Variants in SCUBE3 observed in about 807,000 individuals in gnomAD.
SCUBE3 encodes the protein signal peptide, CUB domain and EGF like domain containing 3.
In SCUBE3, 33 loss-of-function variants were observed where a neutral mutation model predicts 116.8. That is an observed-to-expected ratio of 0.28 (90% confidence interval 0.21 to 0.38). SCUBE3 has a LOEUF of 0.38. Among genes scored for constraint, SCUBE3 ranks in the 10% least tolerant of loss-of-function variants. SCUBE3 has a pLI of 1.00. For missense variants in SCUBE3, 1,007 were observed against 1,324.8 expected (o/e 0.76, Z 3.72); for synonymous variants, 418 against 496.9 (o/e 0.84, Z 2.11).
chr6:35,218,750 A>T (rs1012569741), intron 1 of SCUBE3, among the ~76,000 whole-genome samples: 4 of 152,046 alleles, frequency 2.6e-5, no homozygotes, highest in Non-Finnish European at 4.4e-5. Context: ...CTAAGAGGGG[A>T]CAGAGACTCC....
rs1230814908 is a variant in SCUBE3 at position 35,244,190 on chromosome 6, C to T, written c.2239+60C>T. The T allele has an allele frequency of 6.8e-7, 1 of 1,464,298 alleles. No individual in the cohort carries two copies. The highest frequency in any genetic ancestry group is 9.3e-7 in the Non-Finnish European group (1 of 1,070,182). 90.7% of individuals were successfully genotyped at this position (1,464,298 alleles called of 1,614,324 possible). The stretch of plus-strand genomic sequence containing the variant: ...CAACCCCAACTACTCCCAAAAAACT[C>T]TCCAATTTCCCAGAGGGGACACTGA... On this transcript the variant is annotated intron_variant, in intron 17 of 21. Transcript: ENST00000274938. This position sits in a 1 kb window ranked among gnomAD's most constrained non-coding sequence, Gnocchi z 4.3.
rs1223440482 is a variant in SCUBE3 at position 35,240,994 on chromosome 6, T to C, written c.1070-147T>C. The C allele has an allele frequency of 6.9e-6, 5 of 729,022 alleles. No individual in the cohort carries two copies. Among genetic ancestry groups the C allele is most frequent in the African/African-American group, 3.5e-5 (2 of 57,304 alleles). 45.2% of individuals were successfully genotyped at this position (729,022 alleles called of 1,614,324 possible). The stretch of plus-strand genomic sequence containing the variant: ...AGTATTTATGTGCCTATAGGCACAC[T>C]GTTGTACAGTAGATCTCTCGAACTT... On this transcript the variant is annotated intron_variant, in intron 9 of 21. Transcript: ENST00000274938. The surrounding 1 kb of genome is among the most constrained non-coding windows in gnomAD (Gnocchi z 4.6).
rs1783615720 is a variant in SCUBE3, at chr6:35,233,030, G to A, written c.595+55G>A. ...GTGGGGTCGGGGGTGAAAACATAGAGGAAGGGTATAGGGCTTCAGGAGCAA... is the reference window on the plus strand; with the variant it reads ...GTGGGGTCGGGGGTGAAAACATAGAAGAAGGGTATAGGGCTTCAGGAGCAA... On this transcript the variant is annotated intron_variant, in intron 5 of 21. Transcript: ENST00000274938. The surrounding 1 kb of genome is among the most constrained non-coding windows in gnomAD (Gnocchi z 5.7). 6.2e-7 allele frequency: 1 copy of A among 1,603,586 alleles called. No homozygotes were observed. Among genetic ancestry groups the A allele is most frequent in the African/African-American group, 1.3e-5 (1 of 74,862 alleles).
intron 1 of SCUBE3, among the ~76,000 whole-genome samples, chr6:35,216,832 T>C (rs1473950971): frequency 6.6e-6 from 1 of 151,866 alleles, no homozygotes; most frequent in Non-Finnish European, 1.5e-5. Flanking sequence ...TTTTCATCAG[T>C]GATTCCCACA....
chr6:35,243,044 C>T lies in SCUBE3; in HGVS notation c.1717C>T (p.Arg573Ter), dbSNP rs1436996181. 7 of 1,614,154 alleles carry T rather than the reference C, an allele frequency of 4.3e-6. No individual in the cohort carries two copies. The highest frequency in any genetic ancestry group is 2.2e-5 in the East Asian group (1 of 44,882). The change falls in exon 15 of 22, where the codon CGA (arginine) becomes TGA (stop). Residue 573 changes from arginine (R) to a stop codon, truncating the protein, a stop_gained. Coordinates refer to ENST00000274938, the MANE Select transcript of SCUBE3 (RefSeq NM_152753.4). LOFTEE classifies it high-confidence loss of function. This position sits in a 1 kb window ranked among gnomAD's most constrained non-coding sequence, Gnocchi z 6.6. ...TTASCGLPCLRQRMERRLKGS... is the reference protein window; with the variant it reads ...TTASCGLPCL The stretch of plus-strand genomic sequence containing the variant: ...AGCCAGCTGTGGGCTGCCCTGCCTC[C>T]GACAGCGAATGGAACGGCGGCTGAA...
intron 21 of SCUBE3, 36 bp from the exon 22 acceptor site, chr6:35,248,520 G>A (rs745771869): frequency 8.7e-6 from 14 of 1,611,166 alleles, no homozygotes; most frequent in South Asian, 1.1e-5. Flanking sequence ...CACCCCCGAC[G>A]GTGAGGCTGA....
Position 35,219,125 on chromosome 6 carries a change from C to T in SCUBE3, c.85+4622C>T, listed in dbSNP as rs1783033666. On this transcript the variant is annotated intron_variant, in intron 1 of 21. Coordinates refer to ENST00000274938, the MANE Select transcript of SCUBE3 (RefSeq NM_152753.4). This position sits in a 1 kb window ranked among gnomAD's most constrained non-coding sequence, Gnocchi z 4.7. ...GTCATCTGGATACTCTTCCTTTCTT[C>T]CCCCACCCCAGTTTCCTGGAACCCC... is the stretch of plus-strand genomic sequence containing the variant. Among the ~76,000 whole-genome samples the T allele has an allele frequency of 6.6e-6, 1 of 152,146 alleles. No individual in the cohort carries two copies. The highest frequency in any genetic ancestry group is 2.4e-5 in the African/African-American group (1 of 41,422).
At chr6:35,246,144 G>A in intron 20 of SCUBE3, 48 bp downstream of exon 20, 1 of 1,613,038 alleles carries the variant, frequency 6.2e-7, no homozygotes, top group Non-Finnish European at 8.5e-7. Flanking sequence ...AGTTTTGAGA[G>A]GGAACCAGGA....
rs930612920 is a variant in SCUBE3 at position 35,241,493 on chromosome 6, C to A, written c.1196-50C>A. 1 of 1,357,270 alleles carries A rather than the reference C, an allele frequency of 7.4e-7. No homozygotes were observed. The highest frequency in any genetic ancestry group is 1.1e-6 in the Non-Finnish European group (1 of 946,152). 84.1% of individuals were successfully genotyped at this position (1,357,270 alleles called of 1,614,324 possible). ...TAGCTGATTCCTCCAAATTACCCAA[C>A]TGAGGGAAAGGAATGCATTCATTTG... On this transcript the variant is annotated intron_variant, in intron 10 of 21. Coordinates refer to ENST00000274938, the MANE Select transcript of SCUBE3 (RefSeq NM_152753.4). The surrounding 1 kb of genome is among the most constrained non-coding windows in gnomAD (Gnocchi z 4.1).
chr6:35,228,673 C>G lies in SCUBE3; in HGVS notation c.268C>G (p.Pro90Ala). Residue 90 changes from proline to alanine, a missense_variant, in exon 3 of 22, where the codon CCT (proline) becomes GCT (alanine). Pro to Ala is a conservative substitution (Grantham distance 27, BLOSUM62 -1). This residue lies in a region of SCUBE3 where 37 missense variants were observed against 80.6 expected (regional missense o/e 0.46). Coordinates refer to ENST00000274938, the MANE Select transcript of SCUBE3 (RefSeq NM_152753.4). The surrounding 1 kb of genome is among the most constrained non-coding windows in gnomAD (Gnocchi z 4.9). ...AGCVHDCVNI[P>A]GNYRCTCYDG... Reference sequence around the variant, plus strand: ...TTGTGTGCATGACTGTGTCAACATCCCTGGCAATTACCGGTGTACCTGCTA... The same window carrying G: ...TTGTGTGCATGACTGTGTCAACATCGCTGGCAATTACCGGTGTACCTGCTA... 2.5e-6 allele frequency: 4 copies of G among 1,613,808 alleles called. No homozygotes were observed. The highest frequency in any genetic ancestry group is 3.4e-6 in the Non-Finnish European group (4 of 1,179,746).
rs897161149 is a variant in SCUBE3, at chr6:35,214,052, C to A, written c.-367C>A. On this transcript the variant is annotated 5_prime_UTR_variant, in exon 1 of 22. Coordinates refer to ENST00000274938, the MANE Select transcript of SCUBE3 (RefSeq NM_152753.4). The surrounding 1 kb of genome is among the most constrained non-coding windows in gnomAD (Gnocchi z 6.3). ...CCTTCGCTCGGGCTCTGCGCGCTCT[C>A]CGGCTGCAGCTCTCTCCCGGCGAAG... Among the ~76,000 whole-genome samples, 1 of 152,166 alleles carries A rather than the reference C, an allele frequency of 6.6e-6. No homozygotes were observed. Among genetic ancestry groups the A allele is most frequent in the African/African-American group, 2.4e-5 (1 of 41,462 alleles).
rs1783642180 is a variant in SCUBE3 at position 35,233,685 on chromosome 6, G to A, written c.712+384G>A. ...TAGGCCTGACCAGAGGCCCTTGGTT[G>A]ACTAGTGTGATAACAGAGGAATTAT... On this transcript the variant is annotated intron_variant, in intron 6 of 21. Coordinates refer to ENST00000274938, the MANE Select transcript of SCUBE3 (RefSeq NM_152753.4). This position sits in a 1 kb window ranked among gnomAD's most constrained non-coding sequence, Gnocchi z 5.7. Among the ~76,000 whole-genome samples the A allele has an allele frequency of 6.6e-6, 1 of 152,198 alleles. No homozygotes were observed. Among genetic ancestry groups the A allele is most frequent in the African/African-American group, 2.4e-5 (1 of 41,440 alleles).
rs143598757 is a variant in SCUBE3 at position 35,240,263 on chromosome 6, G to C, written c.953-111G>C. ...GGTCCTAGAGCTAGGACATGAATAG[G>C]AACTCTTCAGTTCAAGGGGGAAAGC... On this transcript the variant is annotated intron_variant, in intron 8 of 21. Coordinates refer to ENST00000274938, the MANE Select transcript of SCUBE3 (RefSeq NM_152753.4). The surrounding 1 kb of genome is among the most constrained non-coding windows in gnomAD (Gnocchi z 4.6). The C allele has an allele frequency of 3.3e-6, 2 of 612,810 alleles. No individual in the cohort carries two copies. Among genetic ancestry groups the C allele is most frequent in the East Asian group, 5.7e-5 (2 of 35,130 alleles). The allele number at this position is 612,810 out of a possible 1,614,324, so 38.0% of individuals were successfully genotyped here.
At position 35,229,121 on chromosome 6, in the gene SCUBE3, G is replaced by C. The variant is rs183992223; in HGVS notation, c.334+382G>C. ...CTCATCTTTCTCCTCTCTAAAATGG[G>C]GGTGGGACCAGGTGTGGTAGCTCAC... On this transcript the variant is annotated intron_variant, in intron 3 of 21. Coordinates refer to ENST00000274938, the MANE Select transcript of SCUBE3 (RefSeq NM_152753.4). Among the ~76,000 whole-genome samples the C allele has an allele frequency of 5.3e-5, 8 of 152,174 alleles. No individual in the cohort carries two copies. In the East Asian group the frequency reaches 1.5e-3, roughly 29 times the overall value.
At position 35,233,071 on chromosome 6, in the gene SCUBE3, A is replaced by G; in HGVS notation, c.595+96A>G. The G allele has an allele frequency of 6.5e-7, 1 of 1,531,650 alleles. No individual in the cohort carries two copies. The highest frequency in any genetic ancestry group is 1.2e-5 in the South Asian group (1 of 85,466). The allele number at this position is 1,531,650 out of a possible 1,614,324, so 94.9% of individuals were successfully genotyped here. ...TCAGGAGCAAGAGGACAGGGCTGGG[A>G]GGAAAAGGGAGTATGGGGGAGGCAA... On this transcript the variant is annotated intron_variant, in intron 5 of 21. Transcript: ENST00000274938. This position sits in a 1 kb window ranked among gnomAD's most constrained non-coding sequence, Gnocchi z 5.7.
Position 35,244,238 on chromosome 6 carries a change from T to A in SCUBE3, c.2239+108T>A. On this transcript the variant is annotated intron_variant, in intron 17 of 21. Transcript: ENST00000274938. The surrounding 1 kb of genome is among the most constrained non-coding windows in gnomAD (Gnocchi z 4.3). ...TGACCCACCATTTTCTCCAAACCAG[T>A]AATGGGCCCAGCTACTTGACCAACC... 1 of 969,576 alleles carries A rather than the reference T, an allele frequency of 1.0e-6. No homozygotes were observed. The allele number at this position is 969,576 out of a possible 1,614,324, so 60.1% of individuals were successfully genotyped here.
intron 6 of SCUBE3, among the ~76,000 whole-genome samples, chr6:35,237,334 TG>T (rs1581933365): frequency 6.6e-6 from 1 of 152,176 alleles, no homozygotes; most frequent in East Asian, 1.9e-4. Context: ...CAGTCGATCC[TG>T]GAAGTGGGAT....
Position 35,243,569 on chromosome 6 carries a change from G to A in SCUBE3, c.1910-25G>A, listed in dbSNP as rs1302545091. On this transcript the variant is annotated intron_variant, in intron 15 of 21. Coordinates refer to ENST00000274938, the MANE Select transcript of SCUBE3 (RefSeq NM_152753.4). This position sits in a 1 kb window ranked among gnomAD's most constrained non-coding sequence, Gnocchi z 6.6. ...GTGGTGGGAAATGCGGGGGTGGGTG[G>A]CTAGCGCGGCCGACTCTCCCTCAGT... 1.3e-6 allele frequency: 2 copies of A among 1,559,040 alleles called. No individual in the cohort carries two copies. Among genetic ancestry groups the A allele is most frequent in the Non-Finnish European group, 1.7e-6 (2 of 1,148,836 alleles).
intron 7 of SCUBE3, 110 bp downstream of exon 7, chr6:35,238,128 T>C: frequency 1.6e-6 from 1 of 637,472 alleles, no homozygotes; most frequent in Non-Finnish European, 2.9e-6. Flanking sequence ...CTCCTTCTTA[T>C]GAAGAACCCA....
Sources: gnomAD v4.1 joint callset for allele counts (sites outside exome capture counted in the v4.1 genomes callset) on GRCh38, gnomAD v4.1.1 for gene constraint, gnomAD v4.1.1 regional missense constraint, Gnocchi (gnomAD v3.1) non-coding constraint, MANE v1.5 for transcripts, NCBI Gene and HGNC (gene_info 2026-07-23, HGNC 2026-07-21) for gene names.